LANCL2: variants seen among roughly 807,000 people sequenced by gnomAD.
LANCL2 encodes the protein lanC-like protein 2.
A neutral mutation model predicts 56.9 loss-of-function variants in LANCL2; 33 were observed. That is an observed-to-expected ratio of 0.58 (90% CI 0.44 to 0.78). The LOEUF (loss-of-function observed/expected upper bound fraction) is 0.78. Ranked by LOEUF, LANCL2 falls within the 30% of genes least tolerant of loss-of-function variation. The pLI is 0.00. For synonymous variants in LANCL2, 233 were observed against 228.2 expected (o/e 1.02, Z -0.19); for missense variants, 562 against 580.2 (o/e 0.97, Z 0.32).
intron 6 of LANCL2, among the ~76,000 whole-genome samples, chr7:55,415,621 C>CTTTTTTTTTTTTCTTTTT (rs71031852): frequency 8.9e-6 from 1 of 111,770 alleles, no homozygotes; most frequent in Admixed American, 1.1e-4. Context: ...GTTTTTCTTT[C>CTTTTTTTTTTTTCTTTTT]TTTTTTTTGA....
intron 2 of LANCL2, among the ~76,000 whole-genome samples, chr7:55,392,999 TAAC>T (rs1318865912): frequency 5.3e-5 from 8 of 152,318 alleles, no homozygotes; most frequent in East Asian, 3.9e-4. Context: ...ATTTTAATGA[TAAC>T]AACCAATAAT....
intron 5 of LANCL2, among the ~76,000 whole-genome samples, chr7:55,403,966 C>A (rs1790375295): frequency 6.6e-6 from 1 of 152,170 alleles, no homozygotes; most frequent in Non-Finnish European, 1.5e-5. Context: ...CTGCAGAACC[C>A]AACTGAGGCA....
At chr7:55,415,621 C>CTTTCTTTTTTTTTTTTTT (rs149792554) in intron 6 of LANCL2, among the ~76,000 whole-genome samples, 2 of 111,770 alleles carry the variant, frequency 1.8e-5, no homozygotes, top group Admixed American at 1.1e-4. Context: ...GTTTTTCTTT[C>CTTTCTTTTTTTTTTTTTT]TTTTTTTTGA....
intron 5 of LANCL2, among the ~76,000 whole-genome samples, chr7:55,406,748 G>T (rs943991662): frequency 2.0e-5 from 3 of 152,210 alleles, no homozygotes; most frequent in Non-Finnish European, 4.4e-5. Context: ...CCACTTTCAT[G>T]ATAGCAGAAT....
intron 2 of LANCL2, among the ~76,000 whole-genome samples, chr7:55,392,242 G>A (rs528559695): frequency 1.3e-5 from 2 of 152,118 alleles, no homozygotes; most frequent in South Asian, 2.1e-4. Context: ...GCAGTGAGCC[G>A]AGATTGTGCC....
intron 1 of LANCL2, among the ~76,000 whole-genome samples, chr7:55,367,743 A>G (rs1012299360): frequency 1.1e-4 from 17 of 152,208 alleles, no homozygotes; most frequent in Admixed American, 5.2e-4. Context: ...AAAGCAAGCA[A>G]ACCTGTGGGA....
At chr7:55,393,794 A>G (rs911002094) in intron 2 of LANCL2, among the ~76,000 whole-genome samples, 1 of 152,214 alleles carries the variant, frequency 6.6e-6, no homozygotes, top group Non-Finnish European at 1.5e-5. Flanking sequence ...ACACTTATAA[A>G]CCCAGACAGA....
At chr7:55,398,716 T>C (rs1790285232) in intron 3 of LANCL2, 86 bp downstream of exon 3, 1 of 1,006,132 alleles carries the variant, frequency 9.9e-7, no homozygotes, top group South Asian at 1.4e-5. Flanking sequence ...AAACTATTTT[T>C]CCATTCATCC....
chr7:55,386,705 C>G (rs908609479), intron 1 of LANCL2, among the ~76,000 whole-genome samples: 105 of 152,310 alleles, frequency 6.9e-4, no homozygotes, highest in Admixed American at 6.9e-3. Flanking sequence ...ACATTTCCCC[C>G]ATGACAGAGC....
intron 1 of LANCL2, among the ~76,000 whole-genome samples, chr7:55,371,509 C>G (rs1003098329): frequency 3.3e-5 from 5 of 152,126 alleles, no homozygotes; most frequent in Non-Finnish European, 7.4e-5. Flanking sequence ...GAATTGTTTC[C>G]TTTGCTGTGC....
At chr7:55,380,862 T>G in intron 1 of LANCL2, among the ~76,000 whole-genome samples, 4 of 138,546 alleles carry the variant, frequency 2.9e-5, no homozygotes, top group Admixed American at 7.8e-5. Context: ...AGAGGAGGAG[T>G]GAATTTCTTT....
intron 6 of LANCL2, among the ~76,000 whole-genome samples, chr7:55,422,887 G>A (rs1790623675): frequency 6.6e-6 from 1 of 152,118 alleles, no homozygotes; most frequent in African/African-American, 2.4e-5. Flanking sequence ...TGACGTTTGG[G>A]TCATCTTGGG....
chr7:55,391,066 G>A (rs976512311), intron 1 of LANCL2, among the ~76,000 whole-genome samples: 12 of 147,034 alleles, frequency 8.2e-5, no homozygotes, highest in African/African-American at 2.8e-4. Context: ...GCCCAGGCTG[G>A]AGTGCAGTGG....
intron 1 of LANCL2, among the ~76,000 whole-genome samples, chr7:55,391,408 TTGA>T (rs1451309472): frequency 6.6e-6 from 1 of 152,228 alleles, no homozygotes; most frequent in African/African-American, 2.4e-5. Flanking sequence ...ATGTTTATTG[TTGA>T]TTTATATCTT....
Position 55,433,413 on chromosome 7 carries a change from G to C in LANCL2, c.*2093G>C, listed in dbSNP as rs907841934. 6.6e-6 allele frequency: 1 copy of C among 152,164 alleles called. No homozygotes were observed. The highest frequency in any genetic ancestry group is 6.5e-5 in the Admixed American group (1 of 15,270). 9.4% of individuals were successfully genotyped at this position (152,164 alleles called of 1,614,324 possible). On this transcript the variant is annotated 3_prime_UTR_variant, in exon 9 of 9. Transcript: ENST00000254770. ...ATCAGAGGTGCTGTTCCGTGGTTCTGCATTAACCCCTGCCTCATGTCTGTA... is the reference window on the plus strand; with the variant it reads ...ATCAGAGGTGCTGTTCCGTGGTTCTCCATTAACCCCTGCCTCATGTCTGTA...
At chr7:55,417,066 G>A (rs184851848) in intron 6 of LANCL2, among the ~76,000 whole-genome samples, 1 of 133,372 alleles carries the variant, frequency 7.5e-6, no homozygotes, top group Non-Finnish European at 1.5e-5. Context: ...TACAAGCTCC[G>A]CCTCCCAGGT....
intron 1 of LANCL2, among the ~76,000 whole-genome samples, chr7:55,367,883 AC>A (rs1344198707): frequency 6.6e-6 from 1 of 152,278 alleles, no homozygotes; most frequent in Non-Finnish European, 1.5e-5. Flanking sequence ...GATTTAAGTT[AC>A]ACGGTTTAGA....
At position 55,431,377 on chromosome 7, in the gene LANCL2, A is replaced by G; in HGVS notation, c.*57A>G. On this transcript the variant is annotated 3_prime_UTR_variant, in exon 9 of 9. Transcript: ENST00000254770. ...TGGACCAAAAGCCACCAGATTGCTT[A>G]GTGCCTGACACAGAAACAACTGGGA... 1 of 1,202,240 alleles carries G rather than the reference A, an allele frequency of 8.3e-7. No individual in the cohort carries two copies. Among genetic ancestry groups the G allele is most frequent in the Non-Finnish European group, 1.2e-6 (1 of 828,140 alleles). 74.5% of individuals were successfully genotyped at this position (1,202,240 alleles called of 1,614,324 possible). A position where few individuals can be genotyped will look rare whatever the true frequency, so the allele number is the denominator to read the frequency against.
chr7:55,393,019 C>A (rs1458898540), intron 2 of LANCL2, among the ~76,000 whole-genome samples: 1 of 152,118 alleles, frequency 6.6e-6, no homozygotes, highest in African/African-American at 2.4e-5. Flanking sequence ...TAATACACTT[C>A]ACATCAAAAA....
Sources: allele counts gnomAD v4.1 joint callset (sites outside exome capture counted in the v4.1 genomes callset), GRCh38; gene constraint gnomAD v4.1.1; transcripts MANE v1.5; gene names NCBI Gene and HGNC (gene_info 2026-07-23, HGNC 2026-07-21).